The following ARHGAP17 variants were observed in gnomAD, a reference collection of about 807,000 sequenced individuals.
ARHGAP17 encodes rho GTPase-activating protein 17.
In ARHGAP17, 57 loss-of-function variants were observed where a neutral mutation model predicts 99.5. The observed-to-expected ratio is 0.57, with a 90% confidence interval of 0.46 to 0.71. The LOEUF is 0.71. Among genes scored for constraint, ARHGAP17 ranks in the 30% least tolerant of loss-of-function variants. The pLI, the probability that ARHGAP17 is intolerant of heterozygous loss-of-function variation, is 0.00. For missense variants in ARHGAP17, 1,000 were observed against 1,122.4 expected (o/e 0.89, Z 1.56); for synonymous variants, 417 against 429.6 (o/e 0.97, Z 0.36).
chr16:24,984,504 A>G (rs549470023), intron 1 of ARHGAP17, among the ~76,000 whole-genome samples: 85 of 152,136 alleles, frequency 5.6e-4, no homozygotes, highest in African/African-American at 2.0e-3. Flanking sequence ...AATACAAAAA[A>G]AAAATTAGCC....
At chr16:24,965,397 G>A (rs2141293253) in intron 6 of ARHGAP17, among the ~76,000 whole-genome samples, 1 of 152,328 alleles carries the variant, frequency 6.6e-6, no homozygotes, top group South Asian at 2.1e-4. Context: ...GTGAACCTGG[G>A]AGGCAGAGCT....
chr16:24,998,859 C>G (rs1250926015), intron 1 of ARHGAP17, among the ~76,000 whole-genome samples: 1 of 152,154 alleles, frequency 6.6e-6, no homozygotes, highest in South Asian at 2.1e-4. Flanking sequence ...ATGCCTGACC[C>G]CATCAGAGAA....
rs1310383999 is a variant in ARHGAP17, at chr16:24,964,323, G to A, written c.462-15C>T. The A allele has an allele frequency of 1.3e-6, 2 of 1,566,850 alleles. No homozygotes were observed. Among genetic ancestry groups the A allele is most frequent in the Non-Finnish European group, 1.8e-6 (2 of 1,138,480 alleles). ...CTTGGTTCCACCTGCAAAACAAAGG[G>A]GTCACCAGCATCTGAGAACCAGCTG... On this transcript the variant is annotated splice_polypyrimidine_tract_variant and intron_variant, in intron 6 of 19. Transcript: ENST00000289968.
chr16:24,988,580 C>A (rs1429558458), intron 1 of ARHGAP17, among the ~76,000 whole-genome samples: 1 of 152,172 alleles, frequency 6.6e-6, no homozygotes, highest in Non-Finnish European at 1.5e-5. Context: ...TTAACTTAAT[C>A]TTGATAATAT....
intron 17 of ARHGAP17, among the ~76,000 whole-genome samples, chr16:24,938,798 A>G (rs2051220698): frequency 6.6e-6 from 1 of 151,956 alleles, no homozygotes; most frequent in African/African-American, 2.4e-5. Context: ...AAAAGAAAAA[A>G]GAAAAGCTAC....
intron 19 of ARHGAP17, among the ~76,000 whole-genome samples, chr16:24,921,916 G>T (rs562078493): frequency 6.6e-6 from 1 of 152,336 alleles, no homozygotes; most frequent in Admixed American, 6.5e-5. Context: ...AAGCAGAACA[G>T]AAGTCAACGA....
chr16:24,929,597 CG>C (rs942475906), intron 19 of ARHGAP17: 105 of 987,822 alleles, frequency 1.1e-4, no homozygotes, highest in Non-Finnish European at 1.2e-4. Flanking sequence ...GCAAGCTGCT[CG>C]GGGCCATTAC....
At chr16:24,927,603 C>G (rs538369504) in intron 19 of ARHGAP17, 1 of 679,300 alleles carries the variant, frequency 1.5e-6, no homozygotes, top group African/African-American at 1.9e-5. Context: ...TTAGGGTGGC[C>G]AGTTAGTAAC....
chr16:25,011,857 T>C (rs2053651438), intron 1 of ARHGAP17, among the ~76,000 whole-genome samples: 1 of 152,142 alleles, frequency 6.6e-6, no homozygotes, highest in Non-Finnish European at 1.5e-5. Flanking sequence ...ATACAAGAGA[T>C]ATTTGAAATA....
At chr16:24,928,436 C>A (rs190957914) in intron 19 of ARHGAP17, among the ~76,000 whole-genome samples, 2 of 152,230 alleles carry the variant, frequency 1.3e-5, no homozygotes, top group South Asian at 2.1e-4. Flanking sequence ...AGTGTTGTAG[C>A]AGATCAGTAA....
At chr16:25,012,299 C>T (rs2053662648) in intron 1 of ARHGAP17, among the ~76,000 whole-genome samples, 1 of 152,190 alleles carries the variant, frequency 6.6e-6, no homozygotes, top group Non-Finnish European at 1.5e-5. Context: ...CAAACTGCAT[C>T]ATGCGAACTC....
At chr16:24,988,847 C>T (rs957031104) in intron 1 of ARHGAP17, among the ~76,000 whole-genome samples, 3 of 152,334 alleles carry the variant, frequency 2.0e-5, no homozygotes, top group Non-Finnish European at 4.4e-5. Context: ...ACCACCTCAA[C>T]GGCCTCTCAG....
intron 1 of ARHGAP17, among the ~76,000 whole-genome samples, chr16:25,000,023 T>C (rs1241277419): frequency 6.6e-6 from 1 of 152,040 alleles, no homozygotes; most frequent in Non-Finnish European, 1.5e-5. Flanking sequence ...GTTTCTCACG[T>C]ATAGGAACAC....
intron 1 of ARHGAP17, among the ~76,000 whole-genome samples, chr16:24,989,071 T>G: frequency 6.6e-6 from 1 of 152,196 alleles, no homozygotes. Context: ...ACTGCTCTGG[T>G]GAGGCAGCCA....
At chr16:24,921,726 A>C (rs1332741759) in intron 19 of ARHGAP17, among the ~76,000 whole-genome samples, 2 of 152,136 alleles carry the variant, frequency 1.3e-5, no homozygotes, top group African/African-American at 4.8e-5. Context: ...AACTCAGAGA[A>C]ATTTCTAGAT....
chr16:24,982,982 ATATATATATATATATTTTTTT>A (rs544044939), intron 1 of ARHGAP17, among the ~76,000 whole-genome samples: 3,190 of 31,932 alleles, frequency 0.1, 37 homozygotes, highest in Middle Eastern at 0.19. Flanking sequence ...ATATATATAT[ATATATATATATATATTTTTTT>A]TTTTTTTTTT....
At chr16:25,008,274 C>T (rs915559651) in intron 1 of ARHGAP17, among the ~76,000 whole-genome samples, 2 of 152,118 alleles carry the variant, frequency 1.3e-5, no homozygotes, top group Non-Finnish European at 2.9e-5. Flanking sequence ...CATGCATATC[C>T]ATTCAGTGGG....
rs139434784 is a variant in ARHGAP17 at position 24,929,121 on chromosome 16, C to T, written c.2515+1663G>A. Among the ~76,000 whole-genome samples, 1,125 of 151,534 alleles carry T rather than the reference C, an allele frequency of 7.4e-3. 15 individuals carry two copies. The highest frequency in any genetic ancestry group is 0.026 in the African/African-American group (1,064 of 41,228). On this transcript the variant is annotated intron_variant, in intron 19 of 19. Coordinates refer to ENST00000289968, the MANE Select transcript of ARHGAP17 (RefSeq NM_001006634.3). ...TCACACTGGGAAGAGTAGACTGCTG[C>T]TAAGAGGCTCACCAAAAAGATAGAA...
chr16:24,976,155 T>G (rs1016316860), intron 3 of ARHGAP17, among the ~76,000 whole-genome samples: 1 of 152,136 alleles, frequency 6.6e-6, no homozygotes, highest in Admixed American at 6.6e-5. Context: ...GGAATGTAAC[T>G]CCACACAAAT....
Sources: gnomAD v4.1 joint callset for allele counts (sites outside exome capture counted in the v4.1 genomes callset) on GRCh38, gnomAD v4.1.1 for gene constraint, MANE v1.5 for transcripts, NCBI Gene and HGNC (gene_info 2026-07-23, HGNC 2026-07-21) for gene names.